SYNJ1: variants seen among roughly 807,000 people sequenced by gnomAD.
SYNJ1 encodes synaptojanin 1.
In SYNJ1, 78 loss-of-function variants were observed where a neutral mutation model predicts 168.2. That is an observed-to-expected ratio of 0.46 (90% confidence interval 0.39 to 0.56). The LOEUF is 0.56. Among genes scored for constraint, SYNJ1 ranks in the 20% least tolerant of loss-of-function variants. SYNJ1 has a pLI of 0.00. For synonymous variants in SYNJ1, 539 were observed against 548.6 expected (o/e 0.98, Z 0.24); for missense variants, 1,303 against 1,597.6 (o/e 0.82, Z 3.14).
chr21:32,666,500 C>T lies in SYNJ1; in HGVS notation c.1885G>A (p.Ala629Thr). 2 of 1,614,070 alleles carry T rather than the reference C, an allele frequency of 1.2e-6. No individual in the cohort carries two copies. Among genetic ancestry groups the T allele is most frequent in the Non-Finnish European group, 1.7e-6 (2 of 1,179,986 alleles). The change falls in exon 16 of 33, where the codon GCT becomes ACT. Residue 629 changes from alanine to threonine, a missense_variant. Ala to Thr is a moderately conservative substitution (Grantham distance 58, BLOSUM62 0). This residue lies in a region of SYNJ1 where 920 missense variants were observed against 1,208.8 expected (regional missense o/e 0.76). Coordinates refer to ENST00000674351, the MANE Select transcript of SYNJ1 (RefSeq NM_203446.3). ...ISRDNKYVLL[A>T]SEQLVGVCLF... Reference sequence around the variant, plus strand: ...CAGACGCCCACCAACTGTTCAGAAGCCAGCAGCACATACTTGTTGTCTCTG... The same window carrying T: ...CAGACGCCCACCAACTGTTCAGAAGTCAGCAGCACATACTTGTTGTCTCTG...
chr21:32,728,052 C>T (rs1464297872), upstream of SYNJ1: 6 of 1,527,706 alleles, frequency 3.9e-6, no homozygotes, highest in Non-Finnish European at 5.3e-6. Context: ...GCGCCGCGGC[C>T]GGGGGCGGAA....
chr21:32,711,212 T>C (rs1042408733), intron 2 of SYNJ1, among the ~76,000 whole-genome samples: 3 of 152,226 alleles, frequency 2.0e-5, no homozygotes, highest in African/African-American at 2.4e-5. Flanking sequence ...GGTCTATTTA[T>C]AGACTACAGA....
chr21:32,639,431 G>A (rs1034665369), intron 30 of SYNJ1, among the ~76,000 whole-genome samples: 3 of 151,940 alleles, frequency 2.0e-5, no homozygotes, highest in African/African-American at 7.3e-5. Flanking sequence ...TTGTTCTTTT[G>A]CCCAGGCTGG....
Position 32,657,786 on chromosome 21 carries a change from T to C in SYNJ1, c.2391A>G (p.Glu797=). 3 of 1,614,210 alleles carry C rather than the reference T, an allele frequency of 1.9e-6. No individual in the cohort carries two copies. The highest frequency in any genetic ancestry group is 2.5e-6 in the Non-Finnish European group (3 of 1,180,022). Residue 797 remains glutamate (E), a synonymous_variant, in exon 19 of 33, where the codon GAA becomes GAG. Transcript: ENST00000674351. The part of the protein sequence containing the change: ...DLFSDDYDTS[E]KCRTPAWTDR... The stretch of plus-strand genomic sequence containing the variant: ...CTGTCCAGGCAGGGGTGCGGCACTT[T>C]TCACTGGTGTCATAGTCGTCAGAAA...
intron 15 of SYNJ1, among the ~76,000 whole-genome samples, chr21:32,667,134 T>C (rs533410382): frequency 1.3e-5 from 2 of 151,610 alleles, no homozygotes; most frequent in South Asian, 2.1e-4. Flanking sequence ...GCTACACATG[T>C]TCAGTATAGA....
chr21:32,678,561 TA>T lies in SYNJ1; in HGVS notation c.1510+83del, dbSNP rs534989048. ...CCCTTCAAAAACTATTTTAACCAACTAAAAATTCTGTGTAAATAAGTTTACA... is the reference window on the plus strand; with the variant it reads ...CCCTTCAAAAACTATTTTAACCAACTAAAATTCTGTGTAAATAAGTTTACA... On this transcript the variant is annotated intron_variant, in intron 12 of 32. Coordinates refer to ENST00000674351, the MANE Select transcript of SYNJ1 (RefSeq NM_203446.3). 1.8e-4 allele frequency: 255 copies of T among 1,403,154 alleles called. 1 individual carries two copies. In the African/African-American group the frequency reaches 3.6e-3, roughly 20 times the overall value. 86.9% of individuals were successfully genotyped at this position (1,403,154 alleles called of 1,614,324 possible). A position where few individuals can be genotyped will look rare whatever the true frequency, so the allele number is the denominator to read the frequency against.
Position 32,653,087 on chromosome 21 carries a change from A to G in SYNJ1, c.2874+201T>C, listed in dbSNP as rs1369692096. Among the ~76,000 whole-genome samples, 7 of 152,346 alleles carry G rather than the reference A, an allele frequency of 4.6e-5. No homozygotes were observed. In the South Asian group the frequency reaches 1.0e-3, roughly 23 times the overall value. On this transcript the variant is annotated intron_variant, in intron 22 of 32. Coordinates refer to ENST00000674351, the MANE Select transcript of SYNJ1 (RefSeq NM_203446.3). ...CCTTCTTAGTCTATATCAACAGTTA[A>G]TATCTCTGGGGAGGGGCCAAAATAA... is the stretch of plus-strand genomic sequence containing the variant.
chr21:32,703,974 G>A (rs1363700821), intron 2 of SYNJ1, among the ~76,000 whole-genome samples: 1 of 152,098 alleles, frequency 6.6e-6, no homozygotes. Context: ...TCCTGTCTGA[G>A]CCTCTCGAAG....
chr21:32,696,350 C>G (rs569901131), intron 4 of SYNJ1, among the ~76,000 whole-genome samples: 16 of 152,162 alleles, frequency 1.1e-4, no homozygotes, highest in Non-Finnish European at 2.2e-4. Flanking sequence ...AAATTTTATT[C>G]AAACAAACAT....
At chr21:32,661,998 T>C (rs1099465) in intron 18 of SYNJ1, among the ~76,000 whole-genome samples, 81,819 of 151,992 alleles carry the variant, frequency 0.54, 22,198 homozygotes, top group Admixed American at 0.58. Context: ...TGGAACGTAG[T>C]CCCTTTGCGG....
chr21:32,657,803 C>T lies in SYNJ1; in HGVS notation c.2374G>A (p.Asp792Asn), dbSNP rs2040517267. 2.5e-6 allele frequency: 4 copies of T among 1,613,956 alleles called. No individual in the cohort carries two copies. The highest frequency in any genetic ancestry group is 1.3e-5 in the African/African-American group (1 of 74,904). Residue 792 changes from aspartate (D) to asparagine (N), a missense_variant, in exon 19 of 33, where the codon GAC (aspartate) becomes AAC (asparagine). By Grantham distance (23) the Asp-to-Asn change is conservative. This residue lies in a region of SYNJ1 where 920 missense variants were observed against 1,208.8 expected (regional missense o/e 0.76). Transcript: ENST00000674351. The stretch of plus-strand genomic sequence containing the variant: ...CGGCACTTTTCACTGGTGTCATAGT[C>T]GTCAGAAAACAAGTCATACTTATAT... Reference protein sequence around the residue: ...PTYKYDLFSDDYDTSEKCRTP... With the variant: ...PTYKYDLFSDNYDTSEKCRTP...
chr21:32,715,821 C>T (rs2043005407), intron 2 of SYNJ1, among the ~76,000 whole-genome samples: 1 of 151,560 alleles, frequency 6.6e-6, no homozygotes, highest in African/African-American at 2.4e-5. Context: ...CTCAGTTGGC[C>T]CAGAATTATC....
chr21:32,641,471 AAG>A (rs1206496065), intron 29 of SYNJ1, among the ~76,000 whole-genome samples: 1 of 152,190 alleles, frequency 6.6e-6, no homozygotes, highest in Admixed American at 6.5e-5. Context: ...AAAAACCAAA[AAG>A]AGAAAAAAAC....
At chr21:32,650,805 G>A (rs1320756334) in intron 22 of SYNJ1, among the ~76,000 whole-genome samples, 1 of 152,208 alleles carries the variant, frequency 6.6e-6, no homozygotes, top group Non-Finnish European at 1.5e-5. Context: ...ATGGTCCTAA[G>A]AGCTGCTATA....
chr21:32,708,026 T>C (rs891424339), intron 2 of SYNJ1, among the ~76,000 whole-genome samples: 2 of 152,078 alleles, frequency 1.3e-5, no homozygotes, highest in African/African-American at 4.8e-5. Context: ...AAAAAAGAGG[T>C]AAAACATTTT....
At chr21:32,633,890 A>C (rs1394149059) in intron 32 of SYNJ1, among the ~76,000 whole-genome samples, 1 of 152,238 alleles carries the variant, frequency 6.6e-6, no homozygotes, top group Non-Finnish European at 1.5e-5. Context: ...CACAGACTTT[A>C]AACTGTACTC....
intron 7 of SYNJ1, 48 bp from the exon 8 acceptor site, chr21:32,687,122 A>G: frequency 1.0e-6 from 1 of 957,150 alleles, no homozygotes; most frequent in South Asian, 1.9e-5. Context: ...AAGAAGCCCA[A>G]TTTTTTCAAT....
intron 2 of SYNJ1, among the ~76,000 whole-genome samples, chr21:32,714,869 G>A (rs764863772): frequency 3.2e-4 from 49 of 152,258 alleles, no homozygotes; most frequent in African/African-American, 1.2e-3. Flanking sequence ...CACTCAATCC[G>A]GTGCAAGGGG....
chr21:32,704,721 G>A (rs2042542004), intron 2 of SYNJ1, among the ~76,000 whole-genome samples: 1 of 152,156 alleles, frequency 6.6e-6, no homozygotes, highest in South Asian at 2.1e-4. Context: ...ATGCAGTGGA[G>A]GAGGCTACAC....
Sources: allele counts gnomAD v4.1 joint callset (sites outside exome capture counted in the v4.1 genomes callset), GRCh38; gene constraint gnomAD v4.1.1; regional missense constraint gnomAD v4.1.1; transcripts MANE v1.5; gene names NCBI Gene and HGNC (gene_info 2026-07-23, HGNC 2026-07-21).